TAS2R1: variants seen among roughly 807,000 people sequenced by gnomAD.
The protein encoded by TAS2R1 is taste 2 receptor member 1.
For synonymous variants in TAS2R1, 141 were observed against 134.2 expected (o/e 1.05, Z -0.35); for missense variants, 370 against 353.4 (o/e 1.05, Z -0.38).
At chr5:9,634,818 T>G (rs1029620756), upstream of TAS2R1, among the ~76,000 whole-genome samples, 5 of 152,106 alleles carry the variant, frequency 3.3e-5, no homozygotes, top group African/African-American at 4.8e-5. Flanking sequence ...TTTACTGAAT[T>G]CATTTATCTG....
At chr5:9,678,718 G>A (rs995408565) in intron 1 of TAS2R1, among the ~76,000 whole-genome samples, 8 of 152,062 alleles carry the variant, frequency 5.3e-5, no homozygotes, top group Non-Finnish European at 7.4e-5. Context: ...ACTTACAAAC[G>A]GGAGCTGACC....
the TAS2R1 span, among the ~76,000 whole-genome samples, chr5:9,776,874 G>A: frequency 1.3e-5 from 2 of 152,152 alleles, no homozygotes. Context: ...AATAAAGTGA[G>A]TCATATGAAT....
chr5:9,822,001 G>A, the TAS2R1 span, among the ~76,000 whole-genome samples: 1 of 152,182 alleles, frequency 6.6e-6, no homozygotes, highest in Non-Finnish European at 1.5e-5. Context: ...AGAAGGGGAA[G>A]GAGCATTCCA....
At chr5:9,778,219 A>T in the TAS2R1 span, among the ~76,000 whole-genome samples, 1 of 152,162 alleles carries the variant, frequency 6.6e-6, no homozygotes, top group Non-Finnish European at 1.5e-5. Context: ...AATATTCTGA[A>T]AAAAGTTTCT....
the TAS2R1 span, among the ~76,000 whole-genome samples, chr5:9,838,312 C>T: frequency 6.6e-6 from 1 of 152,104 alleles, no homozygotes; most frequent in Non-Finnish European, 1.5e-5. Context: ...TATCTGTGGG[C>T]CCCTGGTTTT....
At chr5:9,882,513 C>T in the TAS2R1 span, among the ~76,000 whole-genome samples, 1 of 152,130 alleles carries the variant, frequency 6.6e-6, no homozygotes, top group African/African-American at 2.4e-5. Context: ...GTAATCCCAG[C>T]TACTTGGAAA....
At chr5:9,639,895 A>G (rs1740038813) in intron 2 of TAS2R1, among the ~76,000 whole-genome samples, 1 of 152,214 alleles carries the variant, frequency 6.6e-6, no homozygotes. Context: ...TTGATTTTGT[A>G]TGAGAGCCCT....
At chr5:9,629,534 G>A (rs927677193), downstream of TAS2R1, 9 of 1,613,586 alleles carry the variant, frequency 5.6e-6, no homozygotes, top group Admixed American at 6.7e-5. Context: ...TCTTCTTTTT[G>A]AATTGTGGCA....
At chr5:9,687,143 T>C (rs1386726398) in intron 1 of TAS2R1, among the ~76,000 whole-genome samples, 1 of 152,124 alleles carries the variant, frequency 6.6e-6, no homozygotes, top group Non-Finnish European at 1.5e-5. Flanking sequence ...TTTGTATTTT[T>C]TAGTACAAAA....
chr5:9,672,157 G>C (rs959269995), intron 1 of TAS2R1, among the ~76,000 whole-genome samples: 2 of 152,014 alleles, frequency 1.3e-5, no homozygotes, highest in Non-Finnish European at 2.9e-5. Flanking sequence ...AAATCCAAGA[G>C]TTAAATATAA....
the TAS2R1 span, among the ~76,000 whole-genome samples, chr5:9,762,851 T>A: frequency 1.3e-5 from 2 of 152,164 alleles, no homozygotes; most frequent in Non-Finnish European, 2.9e-5. Flanking sequence ...TCCACTGGGA[T>A]GAGATTTGCC....
chr5:9,688,077 C>G lies in TAS2R1; in HGVS notation c.-242+24095G>C, dbSNP rs927569821. On this transcript the variant is annotated intron_variant, in intron 1 of 2. Transcript: ENST00000506620. ...TCCTTGATGGACAGCAAAAAGATAACTTGAGTTATTAATATATAATTCAAA... is the reference window on the plus strand; with the variant it reads ...TCCTTGATGGACAGCAAAAAGATAAGTTGAGTTATTAATATATAATTCAAA... 2.0e-5 allele frequency among the ~76,000 whole-genome samples: 3 copies of G among 152,216 alleles called. No homozygotes were observed. In the East Asian group the frequency reaches 5.8e-4, roughly 29 times the overall value.
At chr5:9,802,983 A>G in the TAS2R1 span, among the ~76,000 whole-genome samples, 1 of 152,228 alleles carries the variant, frequency 6.6e-6, no homozygotes, top group African/African-American at 2.4e-5. Flanking sequence ...AGTCCAACTT[A>G]AAGAAATCAA....
At chr5:9,865,005 C>T in the TAS2R1 span, among the ~76,000 whole-genome samples, 1 of 152,110 alleles carries the variant, frequency 6.6e-6, no homozygotes, top group Non-Finnish European at 1.5e-5. Flanking sequence ...TTCCTTGGGT[C>T]AGGGAGCATT....
At chr5:9,885,700 A>G in the TAS2R1 span, among the ~76,000 whole-genome samples, 1 of 152,254 alleles carries the variant, frequency 6.6e-6, no homozygotes, top group Non-Finnish European at 1.5e-5. Flanking sequence ...TTAATCAATT[A>G]AAAATTAATG....
the TAS2R1 span, among the ~76,000 whole-genome samples, chr5:9,875,503 G>C: frequency 6.6e-6 from 1 of 152,198 alleles, no homozygotes; most frequent in Non-Finnish European, 1.5e-5. Context: ...TCACAGCAGT[G>C]AAACAGCCAT....
intron 1 of TAS2R1, among the ~76,000 whole-genome samples, chr5:9,672,987 T>C (rs940458490): frequency 1.3e-5 from 2 of 152,152 alleles, no homozygotes; most frequent in South Asian, 2.1e-4. Flanking sequence ...ATCATGTCCT[T>C]TGCAGCAACA....
the TAS2R1 span, among the ~76,000 whole-genome samples, chr5:9,778,190 T>A: frequency 6.6e-6 from 1 of 152,166 alleles, no homozygotes; most frequent in South Asian, 2.1e-4. Flanking sequence ...GGAGGCCAGG[T>A]GTTTTGCTGG....
At chr5:9,753,276 G>C in the TAS2R1 span, among the ~76,000 whole-genome samples, 1 of 152,164 alleles carries the variant, frequency 6.6e-6, no homozygotes, top group Non-Finnish European at 1.5e-5. Context: ...TTGTGGTTTT[G>C]ATTTGCATTT....
Sources: allele counts gnomAD v4.1 joint callset (sites outside exome capture counted in the v4.1 genomes callset), GRCh38; gene constraint gnomAD v4.1.1; transcripts MANE v1.5; gene names NCBI Gene and HGNC (gene_info 2026-07-23, HGNC 2026-07-21).